Variants in GALK2 observed in about 807,000 individuals in gnomAD.
The protein encoded by GALK2 is galactokinase 2, also known as N-acetylgalactosamine kinase.
In GALK2, 36 loss-of-function variants were observed where a neutral mutation model predicts 52.4. The observed-to-expected ratio is 0.69, with a 90% CI of 0.53 to 0.91. The LOEUF (loss-of-function observed/expected upper bound fraction) is 0.91. Among genes scored for constraint, GALK2 ranks in the 40% least tolerant of loss-of-function variants. GALK2 has a pLI of 0.00. For missense variants in GALK2, 579 were observed against 559.1 expected, an observed-to-expected ratio of 1.04 and a Z score of -0.36; for synonymous variants, 176 against 199.1, an observed-to-expected ratio of 0.88 and a Z score of 0.98.
At chr15:49,203,996 T>C (rs2088026147) in intron 2 of GALK2, among the ~76,000 whole-genome samples, 1 of 150,794 alleles carries the variant, frequency 6.6e-6, no homozygotes, top group African/African-American at 2.4e-5. Context: ...ACACCTGTAA[T>C]CCCAGCTACG....
chr15:49,221,447 C>T (rs1379349327), intron 3 of GALK2, among the ~76,000 whole-genome samples: 1 of 151,896 alleles, frequency 6.6e-6, no homozygotes, highest in Non-Finnish European at 1.5e-5. Flanking sequence ...AGGCAGATCA[C>T]CTGAGGTCAG....
At chr15:49,283,498 A>C (rs2032986506) in intron 6 of GALK2, 68 bp from the exon 7 acceptor site, 5 of 1,352,454 alleles carry the variant, frequency 3.7e-6, no homozygotes, top group Non-Finnish European at 5.2e-6. Flanking sequence ...TAAGATAAAT[A>C]CATAAACACT....
chr15:49,220,947 C>T (rs1005923555), intron 3 of GALK2, among the ~76,000 whole-genome samples: 2 of 152,032 alleles, frequency 1.3e-5, no homozygotes, highest in South Asian at 2.1e-4. Flanking sequence ...TTTTTACTAT[C>T]GAGTGTTTTG....
chr15:49,224,047 A>G (rs1262207320), intron 3 of GALK2, among the ~76,000 whole-genome samples: 2 of 151,900 alleles, frequency 1.3e-5, no homozygotes, highest in African/African-American at 4.8e-5. Context: ...CAGCCTTGCC[A>G]GCATCTGTTT....
chr15:49,161,939 G>T (rs113056582), intron 1 of GALK2: 1 of 152,308 alleles, frequency 6.6e-6, no homozygotes. Context: ...GGCTGGTCTC[G>T]AACTCCTGAC....
chr15:49,243,775 C>T (rs746758378), intron 5 of GALK2, among the ~76,000 whole-genome samples: 4 of 151,896 alleles, frequency 2.6e-5, no homozygotes, highest in South Asian at 2.1e-4. Context: ...AAGGAACCAA[C>T]GGTAAGATAG....
intron 5 of GALK2, among the ~76,000 whole-genome samples, chr15:49,278,779 T>C (rs2032271039): frequency 6.6e-6 from 1 of 152,246 alleles, no homozygotes; most frequent in African/African-American, 2.4e-5. Flanking sequence ...AGACCTATTT[T>C]ATAGGTGTAT....
At chr15:49,203,705 T>C (rs1473657747) in intron 2 of GALK2, among the ~76,000 whole-genome samples, 1 of 152,196 alleles carries the variant, frequency 6.6e-6, no homozygotes, top group Non-Finnish European at 1.5e-5. Context: ...TTTTTATAAA[T>C]GGTGAGATAT....
chr15:49,210,899 A>G (rs1488013772), intron 2 of GALK2, among the ~76,000 whole-genome samples: 1 of 151,072 alleles, frequency 6.6e-6, no homozygotes, highest in Non-Finnish European at 1.5e-5. Flanking sequence ...GGCATGTGCC[A>G]CCATGCCTGG....
At chr15:49,243,903 G>A (rs1333468704) in intron 5 of GALK2, among the ~76,000 whole-genome samples, 8 of 151,714 alleles carry the variant, frequency 5.3e-5, no homozygotes, top group African/African-American at 9.7e-5. Context: ...CAGGAGGATC[G>A]CTTGAGGCCA....
At chr15:49,325,270 A>T (rs988378419) in intron 9 of GALK2, among the ~76,000 whole-genome samples, 17 of 152,330 alleles carry the variant, frequency 1.1e-4, no homozygotes, top group Middle Eastern at 3.4e-3. Context: ...TGTTGCTTTA[A>T]CAAACCCTTC....
chr15:49,238,699 G>A (rs1400399479), intron 4 of GALK2, among the ~76,000 whole-genome samples: 3 of 152,132 alleles, frequency 2.0e-5, no homozygotes, highest in Non-Finnish European at 1.5e-5. Flanking sequence ...AACTGAGAAT[G>A]TTTGGAACTC....
chr15:49,233,406 A>G (rs574672590), intron 3 of GALK2, among the ~76,000 whole-genome samples: 2 of 152,242 alleles, frequency 1.3e-5, no homozygotes, highest in African/African-American at 4.8e-5. Context: ...ACAACTTGGC[A>G]TGAGATTTGG....
chr15:49,294,806 A>G (rs2034310564), intron 8 of GALK2, among the ~76,000 whole-genome samples: 1 of 152,154 alleles, frequency 6.6e-6, no homozygotes, highest in African/African-American at 2.4e-5. Context: ...GGTCCTGTAG[A>G]TGGTGGTTCA....
At chr15:49,345,956 C>T (rs1176264404) in intron 3 of GALK2, among the ~76,000 whole-genome samples, 7 of 151,988 alleles carry the variant, frequency 4.6e-5, no homozygotes, top group African/African-American at 1.5e-4. Flanking sequence ...AAATTTCGTA[C>T]TTATCTGCCA....
At chr15:49,361,347 G>T (rs1269881481) in intron 3 of GALK2, among the ~76,000 whole-genome samples, 1 of 151,888 alleles carries the variant, frequency 6.6e-6, no homozygotes, top group Non-Finnish European at 1.5e-5. Context: ...TCACCACTCA[G>T]GTAATAAGCA....
Position 49,239,447 on chromosome 15 carries a change from C to G in GALK2, c.504+80C>G, listed in dbSNP as rs1052311016. 3 of 1,344,982 alleles carry G rather than the reference C, an allele frequency of 2.2e-6. No individual in the cohort carries two copies. In the African/African-American group the frequency reaches 4.4e-5, roughly 20 times the overall value. 83.3% of individuals were successfully genotyped at this position (1,344,982 alleles called of 1,614,324 possible). ...TCCAAATCTCAAATCAGAATGCCTT[C>G]CTTGATTGAAAAACTGTCTTCTCTA... On this transcript the variant is annotated intron_variant, in intron 5 of 9. Coordinates refer to ENST00000560031, the MANE Select transcript of GALK2 (RefSeq NM_002044.4).
chr15:49,167,606 A>T (rs1169570524), upstream of GALK2, among the ~76,000 whole-genome samples: 3 of 152,130 alleles, frequency 2.0e-5, no homozygotes, highest in Non-Finnish European at 4.4e-5. Flanking sequence ...TGATCTGCCC[A>T]CCTTGGCCTC....
rs536677415 is a variant in GALK2 at position 49,330,614 on chromosome 15, A to T, written c.*2455A>T. On this transcript the variant is annotated 3_prime_UTR_variant, in exon 10 of 10. Transcript: ENST00000560031. ...CTGCTTGTATAATAGTTTCCCTGAC[A>T]CTCAAATCATTTACCACTTACCAGC... 6.6e-6 allele frequency: 1 copy of T among 152,116 alleles called. No individual in the cohort carries two copies. The highest frequency in any genetic ancestry group is 2.4e-5 in the African/African-American group (1 of 41,494). The allele number at this position is 152,116 out of a possible 1,614,324, so 9.4% of individuals were successfully genotyped here.
Sources: gnomAD v4.1 joint callset for allele counts (sites outside exome capture counted in the v4.1 genomes callset) on GRCh38, gnomAD v4.1.1 for gene constraint, MANE v1.5 for transcripts, NCBI Gene and HGNC (gene_info 2026-07-23, HGNC 2026-07-21) for gene names.